Variants in CFAP251 observed in about 807,000 individuals in gnomAD.
CFAP251 encodes the protein cilia and flagella associated protein 251, also known as cilia- and flagella-associated protein 251.
CFAP251 carries 93 observed loss-of-function variants against 126.7 expected under a neutral mutation model. The observed-to-expected ratio is 0.73, with a 90% CI of 0.62 to 0.87. The LOEUF (loss-of-function observed/expected upper bound fraction) is 0.87. CFAP251 is among the 40% of genes least tolerant of loss of function. The probability of loss-of-function intolerance (pLI) is 0.00; values close to 1 mark genes in which losing one functional copy is unlikely to be tolerated. For missense variants in CFAP251, 1,287 were observed against 1,389.2 expected (o/e 0.93, Z 1.17); for synonymous variants, 503 against 506.9 (o/e 0.99, Z 0.10).
chr12:121,930,571 T>C (rs1370164466), intron 3 of CFAP251, among the ~76,000 whole-genome samples: 1 of 152,064 alleles, frequency 6.6e-6, no homozygotes, highest in Non-Finnish European at 1.5e-5. Flanking sequence ...GTAAAAGCAG[T>C]AGTCAGATTT....
intron 7 of CFAP251, among the ~76,000 whole-genome samples, chr12:121,946,702 A>G (rs1375227332): frequency 6.6e-6 from 1 of 150,732 alleles, no homozygotes; most frequent in African/African-American, 2.4e-5. Context: ...GGCTCAAGTG[A>G]TTTTCCCACC....
intron 19 of CFAP251, among the ~76,000 whole-genome samples, chr12:121,977,370 C>T (rs555923098): frequency 5.0e-4 from 76 of 152,284 alleles, no homozygotes; most frequent in Non-Finnish European, 8.4e-4. Flanking sequence ...TTTTAAAAAA[C>T]TAATTGGCCT....
chr12:121,986,181 G>A (rs1277916767), intron 19 of CFAP251, among the ~76,000 whole-genome samples: 1 of 151,996 alleles, frequency 6.6e-6, no homozygotes, highest in Non-Finnish European at 1.5e-5. Context: ...TAGTAGAGAT[G>A]GGGTTTCGCC....
At chr12:121,941,933 G>C (rs1453689753) in intron 5 of CFAP251, among the ~76,000 whole-genome samples, 4 of 152,146 alleles carry the variant, frequency 2.6e-5, no homozygotes, top group African/African-American at 9.7e-5. Context: ...TTCCCTGAGA[G>C]CTGGGACGTT....
intron 5 of CFAP251, among the ~76,000 whole-genome samples, chr12:121,935,774 C>T (rs941765610): frequency 3.3e-5 from 5 of 152,196 alleles, no homozygotes; most frequent in African/African-American, 7.2e-5. Flanking sequence ...TGACAGCCCA[C>T]GGACTCTCTG....
intron 19 of CFAP251, chr12:121,997,353 A>G (rs1185387088): frequency 6.6e-6 from 1 of 150,894 alleles, no homozygotes; most frequent in Non-Finnish European, 1.5e-5. Context: ...AGCCTCCCAA[A>G]ATGCTGAGAT....
At chr12:121,919,680 G>T (rs1197619480) in intron 1 of CFAP251, among the ~76,000 whole-genome samples, 1 of 152,154 alleles carries the variant, frequency 6.6e-6, no homozygotes, top group African/African-American at 2.4e-5. Context: ...CTGACAGCAA[G>T]GCCCTTGCTT....
At chr12:121,971,575 C>A in intron 17 of CFAP251, 2 of 702,912 alleles carry the variant, frequency 2.8e-6, no homozygotes, top group Non-Finnish European at 2.6e-6. Flanking sequence ...GGGAGCCAGG[C>A]ACCAATATTA....
chr12:121,934,508 A>T (rs1880813602), intron 5 of CFAP251, 152 bp downstream of exon 5: 1 of 566,400 alleles, frequency 1.8e-6, no homozygotes, highest in South Asian at 2.4e-5. Context: ...ACACTAACCT[A>T]GCTCACACAA....
Position 121,957,232 on chromosome 12 carries a change from C to CT in CFAP251, c.1695dup (p.Asp566Ter). Reference sequence around the variant, plus strand: ...CCTACTGAAAAATCAAACTATCCTCCTGACTGCACTTTAAAAGGTGACCTT... The same window carrying CT: ...CCTACTGAAAAATCAAACTATCCTCCTTGACTGCACTTTAAAAGGTGACCTT... On this transcript the variant is annotated frameshift_variant, in exon 11 of 22. Transcript: ENST00000288912. LOFTEE classifies it high-confidence loss of function. The CT allele has an allele frequency of 6.2e-7, 1 of 1,613,026 alleles. No homozygotes were observed. The highest frequency in any genetic ancestry group is 1.3e-5 in the African/African-American group (1 of 74,940).
chr12:121,936,885 G>A (rs1360395366), intron 5 of CFAP251, among the ~76,000 whole-genome samples: 1 of 152,074 alleles, frequency 6.6e-6, no homozygotes, highest in Non-Finnish European at 1.5e-5. Flanking sequence ...AAGGGGAGAA[G>A]GGAAGGGGCC....
chr12:121,957,314 C>T (rs1881759857), intron 11 of CFAP251, 46 bp downstream of exon 11: 1 of 1,548,064 alleles, frequency 6.5e-7, no homozygotes, highest in African/African-American at 1.4e-5. Flanking sequence ...GAAAAATGAT[C>T]ACTGTCTTCT....
At chr12:121,923,058 G>A (rs1230509803) in intron 2 of CFAP251, among the ~76,000 whole-genome samples, 1 of 152,118 alleles carries the variant, frequency 6.6e-6, no homozygotes, top group African/African-American at 2.4e-5. Flanking sequence ...GCCTCCCAAA[G>A]TGCTGGGATT....
chr12:121,987,972 A>C (rs937499037), intron 19 of CFAP251, among the ~76,000 whole-genome samples: 2 of 151,956 alleles, frequency 1.3e-5, no homozygotes, highest in Non-Finnish European at 2.9e-5. Context: ...ATTTCAGGGC[A>C]TTTTATTATT....
intron 17 of CFAP251, chr12:121,970,044 A>C: frequency 1.2e-6 from 1 of 805,834 alleles, no homozygotes; most frequent in Non-Finnish European, 1.5e-6. Flanking sequence ...AAGTAAACAA[A>C]CAGAATTTCC....
Position 122,002,270 on chromosome 12 carries a change from G to A in CFAP251, c.3337+672G>A, listed in dbSNP as rs560180453. Among the ~76,000 whole-genome samples the A allele has an allele frequency of 6.6e-5, 10 of 152,220 alleles. 1 individual carries two copies. Among genetic ancestry groups the A allele is most frequent in the South Asian group, 2.1e-4 (1 of 4,822 alleles). On this transcript the variant is annotated intron_variant, in intron 21 of 21. Coordinates refer to ENST00000288912, the MANE Select transcript of CFAP251 (RefSeq NM_144668.6). Reference sequence around the variant, plus strand: ...CTTGGGAGGCTGGGGCAGGAGAATCGCTTGAATCCAGGAGGTGGAGGTTGC... The same window carrying A: ...CTTGGGAGGCTGGGGCAGGAGAATCACTTGAATCCAGGAGGTGGAGGTTGC...
rs1880296532 is a variant in CFAP251, at chr12:121,923,935, G to A, written c.692G>A (p.Ser231Asn). 2 of 1,613,974 alleles carry A rather than the reference G, an allele frequency of 1.2e-6. No individual in the cohort carries two copies. Among genetic ancestry groups the A allele is most frequent in the African/African-American group, 2.7e-5 (2 of 75,000 alleles). ...AGISRESLVSSTTEDILFQKD... is the reference protein window; with the variant it reads ...AGISRESLVSNTTEDILFQKD... Reference sequence around the variant, plus strand: ...ATCTCCCGGGAGTCACTGGTGTCCAGCACCACAGAGGACATTCTGTTTCAA... The same window carrying A: ...ATCTCCCGGGAGTCACTGGTGTCCAACACCACAGAGGACATTCTGTTTCAA... The change falls in exon 3 of 22, where the codon AGC (serine) becomes AAC (asparagine). Residue 231 changes from serine (S) to asparagine (N), a missense_variant. Coordinates refer to ENST00000288912, the MANE Select transcript of CFAP251 (RefSeq NM_144668.6).
chr12:121,922,779 TTTCTC>T (rs1361677390), intron 2 of CFAP251, among the ~76,000 whole-genome samples: 1 of 89,130 alleles, frequency 1.1e-5, no homozygotes, highest in Non-Finnish European at 2.4e-5. Flanking sequence ...GTTCTTTTCT[TTTCTC>T]TTTTCTTTTC....
chr12:121,987,703 G>A (rs904569989), intron 19 of CFAP251, among the ~76,000 whole-genome samples: 6 of 143,000 alleles, frequency 4.2e-5, no homozygotes, highest in Admixed American at 2.2e-4. Context: ...CAAGAAAAGC[G>A]AGACTCCGTC....
Sources: allele counts gnomAD v4.1 joint callset (sites outside exome capture counted in the v4.1 genomes callset), GRCh38; gene constraint gnomAD v4.1.1; transcripts MANE v1.5; gene names NCBI Gene and HGNC (gene_info 2026-07-23, HGNC 2026-07-21).